Variants in SCAI observed in about 807,000 individuals in gnomAD.
The protein encoded by SCAI is suppressor of cancer cell invasion.
In SCAI, 24 loss-of-function variants were observed where a neutral mutation model predicts 92.2. That is an observed-to-expected ratio of 0.26 (90% CI 0.19 to 0.37). The LOEUF is 0.37. Among genes scored for constraint, SCAI ranks in the 10% least tolerant of loss-of-function variants. SCAI has a pLI of 1.00. For missense variants in SCAI, 450 were observed against 736.2 expected (o/e 0.61, Z 4.50); for synonymous variants, 261 against 258.6 (o/e 1.01, Z -0.09).
At chr9:124,968,406 A>C in intron 17 of SCAI, 3 of 1,136,522 alleles carry the variant, frequency 2.6e-6, no homozygotes, top group Non-Finnish European at 4.0e-6. Context: ...GTGGGAGTAC[A>C]CCCAGTTTTT....
intron 2 of SCAI, among the ~76,000 whole-genome samples, chr9:125,115,358 C>G (rs1332332404): frequency 8.8e-6 from 1 of 113,996 alleles, no homozygotes; most frequent in South Asian, 2.9e-4. Context: ...GGTGACAGAG[C>G]GAGACTCTCC....
At chr9:125,115,505 C>T (rs1325278841) in intron 2 of SCAI, among the ~76,000 whole-genome samples, 1 of 151,582 alleles carries the variant, frequency 6.6e-6, no homozygotes, top group African/African-American at 2.4e-5. Context: ...GTGACATAGT[C>T]ATGTAACTGA....
intron 3 of SCAI, among the ~76,000 whole-genome samples, chr9:125,043,575 C>T (rs887982141): frequency 6.6e-6 from 1 of 152,212 alleles, no homozygotes; most frequent in African/African-American, 2.4e-5. Flanking sequence ...ATTCTCCTGC[C>T]TCAGCCTCCT....
intron 1 of SCAI, 34 bp downstream of exon 1, chr9:125,143,351 A>C (rs1414647547): frequency 6.6e-4 from 550 of 833,182 alleles, no homozygotes; most frequent in East Asian, 2.7e-3. Flanking sequence ...CCCCCACCCC[A>C]TCCCCAACCC....
chr9:125,024,990 A>G (rs1832940131), intron 6 of SCAI, among the ~76,000 whole-genome samples: 1 of 152,250 alleles, frequency 6.6e-6, no homozygotes, highest in African/African-American at 2.4e-5. Flanking sequence ...GACAGTGCAG[A>G]GAGAACTTGT....
At chr9:125,039,773 A>C (rs1833282892) in intron 3 of SCAI, among the ~76,000 whole-genome samples, 1 of 152,128 alleles carries the variant, frequency 6.6e-6, no homozygotes. Flanking sequence ...TCTAATGTGC[A>C]TTTTTCAAGT....
chr9:124,957,222 G>A (rs1005246822), intron 17 of SCAI, among the ~76,000 whole-genome samples: 1 of 151,806 alleles, frequency 6.6e-6, no homozygotes, highest in Non-Finnish European at 1.5e-5. Context: ...CCAACTCCTG[G>A]GATCAAGTGA....
chr9:124,954,759 C>T (rs569735889), intron 17 of SCAI, among the ~76,000 whole-genome samples: 1 of 152,308 alleles, frequency 6.6e-6, no homozygotes, highest in African/African-American at 2.4e-5. Context: ...ATCCCTCCCC[C>T]ATTCGCCCCA....
intron 2 of SCAI, among the ~76,000 whole-genome samples, chr9:125,122,993 T>C (rs1012394250): frequency 8.5e-5 from 13 of 152,202 alleles, no homozygotes; most frequent in Non-Finnish European, 1.9e-4. Flanking sequence ...AAGAATCCTT[T>C]TACTTGATGA....
chr9:125,009,296 GTCT>G (rs1337437021), intron 9 of SCAI, among the ~76,000 whole-genome samples: 2 of 152,210 alleles, frequency 1.3e-5, no homozygotes, highest in African/African-American at 4.8e-5. Context: ...TAGAGACGGA[GTCT>G]TCTTCTGTTG....
At chr9:125,073,342 G>A (rs1834020522) in intron 2 of SCAI, among the ~76,000 whole-genome samples, 2 of 151,466 alleles carry the variant, frequency 1.3e-5, no homozygotes, top group African/African-American at 2.4e-5. Flanking sequence ...CTGACCTCGT[G>A]ATCCACCCGC....
In SCAI at chr9:125,043,452, T is replaced by C. The variant is rs141044441; in HGVS notation, c.230+12424A>G. 2.1e-4 allele frequency among the ~76,000 whole-genome samples: 32 copies of C among 152,248 alleles called. No homozygotes were observed. The East Asian group carries it at 5.0e-3, about 24-fold the overall frequency. On this transcript the variant is annotated intron_variant, in intron 3 of 17. Transcript: ENST00000336505. ...TGCTTTTACCCATTGGTAGACCCAGTGGTTTTTTGTTGTTCTTTGTTTTTA... is the reference window on the plus strand; with the variant it reads ...TGCTTTTACCCATTGGTAGACCCAGCGGTTTTTTGTTGTTCTTTGTTTTTA...
At chr9:125,050,772 T>C (rs1042951343) in intron 3 of SCAI, among the ~76,000 whole-genome samples, 1 of 152,084 alleles carries the variant, frequency 6.6e-6, no homozygotes, top group African/African-American at 2.4e-5. Flanking sequence ...AGTCTTCCTA[T>C]GTCGCCAGGC....
At chr9:124,997,822 G>A (rs1180041606) in intron 13 of SCAI, among the ~76,000 whole-genome samples, 3 of 146,880 alleles carry the variant, frequency 2.0e-5, no homozygotes, top group Admixed American at 1.4e-4. Flanking sequence ...GTTGCAGTGA[G>A]CCAAGATAGT....
At chr9:125,049,412 T>C (rs920490005) in intron 3 of SCAI, among the ~76,000 whole-genome samples, 5 of 152,236 alleles carry the variant, frequency 3.3e-5, no homozygotes, top group African/African-American at 9.6e-5. Flanking sequence ...TTAGTCACCA[T>C]GGCAACCAGA....
intron 14 of SCAI, 145 bp from the exon 15 acceptor site, chr9:124,976,331 A>C (rs1312698285): frequency 4.8e-6 from 3 of 619,172 alleles, no homozygotes; most frequent in Admixed American, 5.1e-5. Flanking sequence ...AGCTAAGGAG[A>C]CTGCCATTCA....
intron 17 of SCAI, among the ~76,000 whole-genome samples, chr9:124,967,252 T>C (rs957674781): frequency 5.3e-5 from 8 of 152,134 alleles, no homozygotes; most frequent in Non-Finnish European, 1.0e-4. Context: ...GCTCACAAAT[T>C]GTTCTTTGTC....
chr9:125,075,994 A>G (rs1370521529), intron 2 of SCAI, among the ~76,000 whole-genome samples: 1 of 152,116 alleles, frequency 6.6e-6, no homozygotes, highest in Non-Finnish European at 1.5e-5. Context: ...TACCACACCC[A>G]GCCAACAGAC....
chr9:125,134,275 C>T (rs7021901), intron 2 of SCAI, among the ~76,000 whole-genome samples: 70,571 of 151,956 alleles, frequency 0.46, 16,868 homozygotes, highest in East Asian at 0.61. Context: ...TTTGTATGTA[C>T]TGTGTAAACC....
Sources: allele counts gnomAD v4.1 joint callset (sites outside exome capture counted in the v4.1 genomes callset), GRCh38; gene constraint gnomAD v4.1.1; transcripts MANE v1.5; gene names NCBI Gene and HGNC (gene_info 2026-07-23, HGNC 2026-07-21).